DIS3L2: variants seen among roughly 807,000 people sequenced by gnomAD.
DIS3L2 encodes the protein DIS3 like 3'-5' exoribonuclease 2.
In DIS3L2, 34 loss-of-function variants were observed where a neutral mutation model predicts 97.5. The ratio of observed to expected loss-of-function variants is 0.35; its 90% CI spans 0.27 to 0.46. The LOEUF (loss-of-function observed/expected upper bound fraction) is 0.46. DIS3L2 is among the 20% of genes least tolerant of loss of function. The pLI is 1.00. For synonymous variants in DIS3L2, 435 were observed against 445.2 expected (o/e 0.98, Z 0.29); for missense variants, 1,038 against 1,146.0 (o/e 0.91, Z 1.36).
At chr2:232,264,471 C>A (rs912717281) in intron 13 of DIS3L2, among the ~76,000 whole-genome samples, 1 of 152,182 alleles carries the variant, frequency 6.6e-6, no homozygotes, top group African/African-American at 2.4e-5. Context: ...CCCAGGATTT[C>A]TTTTTTCATT....
At chr2:232,254,006 A>G (rs1233485582) in intron 12 of DIS3L2, among the ~76,000 whole-genome samples, 1 of 152,224 alleles carries the variant, frequency 6.6e-6, no homozygotes, top group Non-Finnish European at 1.5e-5. Context: ...AGTGTTTTAA[A>G]ACAAACCACA....
intron 9 of DIS3L2, among the ~76,000 whole-genome samples, chr2:232,171,314 G>A (rs1176129542): frequency 6.6e-6 from 1 of 152,170 alleles, no homozygotes; most frequent in East Asian, 1.9e-4. Flanking sequence ...ATTATCTTGT[G>A]GAACTAGTAT....
At chr2:232,116,561 C>T (rs1277779032) in intron 6 of DIS3L2, among the ~76,000 whole-genome samples, 2 of 152,210 alleles carry the variant, frequency 1.3e-5, no homozygotes, top group Non-Finnish European at 2.9e-5. Context: ...CATGCAACAA[C>T]ATGCCAAGGG....
intron 3 of DIS3L2, among the ~76,000 whole-genome samples, chr2:232,023,330 ATTT>A (rs879304443): frequency 0.011 from 1,716 of 152,316 alleles, 19 homozygotes; most frequent in Non-Finnish European, 0.016. Flanking sequence ...GACATTTGTA[ATTT>A]AAACATGGTA....
chr2:232,042,436 T>C (rs1695134535), intron 5 of DIS3L2, among the ~76,000 whole-genome samples: 1 of 152,062 alleles, frequency 6.6e-6, no homozygotes, highest in South Asian at 2.1e-4. Flanking sequence ...AACTGTTTGG[T>C]TTCTTGGCCT....
rs13007092 is a variant in DIS3L2, at chr2:232,012,254, C to T, written c.-93-2581C>T. Among the ~76,000 whole-genome samples, 665 of 152,096 alleles carry T rather than the reference C, an allele frequency of 4.4e-3. 7 individuals carry two copies. Among genetic ancestry groups the T allele is most frequent in the Non-Finnish European group, 4.9e-3 (332 of 68,018 alleles). ...CTATCCTAGGTGCTGTGGGAGCTGCCAGAGTTACAATGACAAACCCAATCA... is the reference window on the plus strand; with the variant it reads ...CTATCCTAGGTGCTGTGGGAGCTGCTAGAGTTACAATGACAAACCCAATCA... On this transcript the variant is annotated intron_variant, in intron 1 of 20. Coordinates refer to ENST00000325385, the MANE Select transcript of DIS3L2 (RefSeq NM_152383.5).
rs73098531 is a variant in DIS3L2, at chr2:231,992,987, A to C, written c.-93-21848A>C. On this transcript the variant is annotated intron_variant, in intron 1 of 20. Coordinates refer to ENST00000325385, the MANE Select transcript of DIS3L2 (RefSeq NM_152383.5). ...TCGATATTCTTCCTAGGCTGATCGCATCTGTGTTCAATTTCAGTTGCTTTG... is the reference window on the plus strand; with the variant it reads ...TCGATATTCTTCCTAGGCTGATCGCCTCTGTGTTCAATTTCAGTTGCTTTG... 7.5e-3 allele frequency among the ~76,000 whole-genome samples: 1,140 copies of C among 151,916 alleles called. 23 individuals carry two copies. The highest frequency in any genetic ancestry group is 0.026 in the African/African-American group (1,093 of 41,402).
chr2:232,130,539 C>G, intron 6 of DIS3L2, 80 bp from the exon 7 acceptor site: 1 of 1,501,414 alleles, frequency 6.7e-7, no homozygotes, highest in East Asian at 2.3e-5. Flanking sequence ...AGGCATCTTT[C>G]TAGATTGAAT....
chr2:232,207,449 C>T (rs1481624478), intron 9 of DIS3L2, among the ~76,000 whole-genome samples: 1 of 152,198 alleles, frequency 6.6e-6, no homozygotes, highest in Admixed American at 6.5e-5. Context: ...GAACACAGCC[C>T]TCGGAGCACG....
At chr2:232,287,825 C>G (rs1484986935) in intron 13 of DIS3L2, among the ~76,000 whole-genome samples, 1 of 152,156 alleles carries the variant, frequency 6.6e-6, no homozygotes, top group Non-Finnish European at 1.5e-5. Context: ...GTTTTTACCA[C>G]AGTTAAAACA....
At chr2:232,308,598 C>G (rs919768753) in intron 14 of DIS3L2, among the ~76,000 whole-genome samples, 1 of 152,136 alleles carries the variant, frequency 6.6e-6, no homozygotes, top group Admixed American at 6.5e-5. Flanking sequence ...AAGTGTCTGC[C>G]GCATTCATGA....
At chr2:231,964,642 TTG>T (rs1253843518) in intron 1 of DIS3L2, among the ~76,000 whole-genome samples, 4 of 152,334 alleles carry the variant, frequency 2.6e-5, no homozygotes, top group African/African-American at 7.2e-5. Flanking sequence ...ATGACATTAT[TTG>T]GGAATAAAAT....
chr2:231,994,234 A>G (rs1243665917), intron 1 of DIS3L2, among the ~76,000 whole-genome samples: 5 of 151,794 alleles, frequency 3.3e-5, no homozygotes, highest in African/African-American at 1.2e-4. Context: ...CTGTTGTTCC[A>G]TTGGTCTAGG....
intron 1 of DIS3L2, 63 bp downstream of exon 1, chr2:231,961,828 C>T (rs1446982388): frequency 6.6e-6 from 1 of 152,438 alleles, no homozygotes; most frequent in African/African-American, 2.4e-5. Flanking sequence ...TCGGGACCGA[C>T]CCGGGGTCTG....
chr2:232,101,236 A>G (rs539163202), intron 6 of DIS3L2, among the ~76,000 whole-genome samples: 51 of 150,804 alleles, frequency 3.4e-4, no homozygotes, highest in Middle Eastern at 6.8e-3. Context: ...AAAAAAAAAG[A>G]TATACCTTCC....
Position 232,328,842 on chromosome 2 carries a change from CAT to C in DIS3L2, c.1740-970_1740-969del, listed in dbSNP as rs201373412. ...CACAACAGGCTCCAGCTCTTGTGCA[CAT>C]GTGTGATCTTCTTGTCCCACCAAAG... On this transcript the variant is annotated intron_variant, in intron 14 of 20. Transcript: ENST00000325385. 1,298 of 152,386 alleles carry C rather than the reference CAT, an allele frequency of 8.5e-3. 23 individuals are homozygous for C. Among genetic ancestry groups the C allele is most frequent in the Admixed American group, 0.049 (750 of 15,312 alleles). 9.4% of individuals were successfully genotyped at this position (152,386 alleles called of 1,614,324 possible).
At chr2:232,015,977 G>T in intron 3 of DIS3L2, 1 of 214,174 alleles carries the variant, frequency 4.7e-6, no homozygotes, top group Non-Finnish European at 9.4e-6. Flanking sequence ...GTTTGAGCCA[G>T]GCCATGGATT....
intron 13 of DIS3L2, among the ~76,000 whole-genome samples, chr2:232,271,322 C>T (rs963420712): frequency 1.3e-5 from 2 of 152,166 alleles, no homozygotes; most frequent in African/African-American, 4.8e-5. Context: ...TTTTCTCTTA[C>T]CTCCTGCGTG....
chr2:232,104,290 G>C (rs1574878188), intron 6 of DIS3L2, among the ~76,000 whole-genome samples: 1 of 152,238 alleles, frequency 6.6e-6, no homozygotes, highest in Admixed American at 6.5e-5. Flanking sequence ...CAGAGGACGA[G>C]GGCCTACCTG....
Sources: allele counts gnomAD v4.1 joint callset (sites outside exome capture counted in the v4.1 genomes callset), GRCh38; gene constraint gnomAD v4.1.1; transcripts MANE v1.5; gene names NCBI Gene and HGNC (gene_info 2026-07-23, HGNC 2026-07-21).